Variants in CSMD1 observed in about 807,000 individuals in gnomAD.
The protein encoded by CSMD1 is CUB and sushi domain-containing protein 1.
Under a neutral mutation model 417.5 loss-of-function variants are expected in CSMD1, and 213 were observed. That is an observed-to-expected ratio of 0.51 (90% CI 0.46 to 0.57). The LOEUF (loss-of-function observed/expected upper bound fraction) is 0.57, where lower values mean the gene tolerates loss of function less well. CSMD1 is among the 20% of genes least tolerant of loss of function. CSMD1 has a pLI of 0.00. For synonymous variants in CSMD1, 2,862 were observed against 1,736.8 expected (o/e 1.65, Z -16.11); for missense variants, 6,923 against 4,529.7 (o/e 1.53, Z -15.17).
chr8:3,560,171 G>C (rs974845954), intron 10 of CSMD1, among the ~76,000 whole-genome samples: 7 of 152,116 alleles, frequency 4.6e-5, no homozygotes, highest in African/African-American at 7.2e-5. Context: ...GTAAGGCACA[G>C]GAAGAGCCCT....
chr8:3,784,249 G>A (rs905816570), intron 5 of CSMD1, among the ~76,000 whole-genome samples: 11 of 152,130 alleles, frequency 7.2e-5, no homozygotes, highest in African/African-American at 1.7e-4. Flanking sequence ...GTAAATAAAT[G>A]TCCAACACAG....
intron 1 of CSMD1, among the ~76,000 whole-genome samples, chr8:4,674,650 A>G (rs539160437): frequency 2.0e-5 from 3 of 152,348 alleles, no homozygotes; most frequent in African/African-American, 7.2e-5. Flanking sequence ...TAAAACAAAC[A>G]AAACAGAACA....
intron 54 of CSMD1, among the ~76,000 whole-genome samples, chr8:2,987,262 G>C (rs1482269400): frequency 6.6e-6 from 1 of 151,638 alleles, no homozygotes; most frequent in Non-Finnish European, 1.5e-5. Flanking sequence ...GATAATTCTT[G>C]ACATGAAAAA....
intron 3 of CSMD1, among the ~76,000 whole-genome samples, chr8:4,371,373 G>A (rs1213775952): frequency 2.6e-5 from 4 of 152,032 alleles, no homozygotes. Flanking sequence ...GAAACTTCCT[G>A]TTATATTTTG....
chr8:3,810,671 T>A (rs1293262073), intron 5 of CSMD1, among the ~76,000 whole-genome samples: 5 of 152,188 alleles, frequency 3.3e-5, no homozygotes, highest in Admixed American at 3.3e-4. Context: ...AAGTAGCTTT[T>A]CTGGGATAGA....
At chr8:3,490,418 A>G (rs1003377753) in intron 11 of CSMD1, among the ~76,000 whole-genome samples, 2 of 152,194 alleles carry the variant, frequency 1.3e-5, no homozygotes, top group African/African-American at 4.8e-5. Flanking sequence ...GGATTTCATA[A>G]GGCATTACCT....
chr8:4,414,301 C>A (rs1585038246), intron 3 of CSMD1, among the ~76,000 whole-genome samples: 1 of 152,144 alleles, frequency 6.6e-6, no homozygotes, highest in East Asian at 1.9e-4. Context: ...GGAAGCCCCG[C>A]CCATCCTAAA....
intron 3 of CSMD1, among the ~76,000 whole-genome samples, chr8:4,228,597 T>TTTTG (rs1373821843): frequency 6.6e-6 from 1 of 151,682 alleles, no homozygotes; most frequent in Non-Finnish European, 1.5e-5. Flanking sequence ...ATCTTTTTTT[T>TTTTG]TTTTTTTTCC....
At chr8:4,301,811 T>C (rs529866951) in intron 3 of CSMD1, among the ~76,000 whole-genome samples, 3 of 152,350 alleles carry the variant, frequency 2.0e-5, no homozygotes, top group Admixed American at 6.5e-5. Context: ...GGGGGGTTCA[T>C]TGTCCCCATA....
intron 2 of CSMD1, among the ~76,000 whole-genome samples, chr8:4,592,542 A>G (rs1800044407): frequency 1.3e-5 from 2 of 151,802 alleles, no homozygotes; most frequent in East Asian, 3.9e-4. Context: ...GCCGGCCACC[A>G]CGCCCAGCTA....
intron 1 of CSMD1, among the ~76,000 whole-genome samples, chr8:4,963,423 C>G (rs987050697): frequency 2.6e-5 from 4 of 152,142 alleles, no homozygotes; most frequent in African/African-American, 9.7e-5. Context: ...TGGTCTCGAA[C>G]TCCTGACCTC....
intron 10 of CSMD1, among the ~76,000 whole-genome samples, chr8:3,533,983 C>A (rs949473771): frequency 1.3e-5 from 2 of 152,038 alleles, no homozygotes; most frequent in Non-Finnish European, 2.9e-5. Flanking sequence ...TTTGTTTTGG[C>A]AATATTTATA....
intron 6 of CSMD1, among the ~76,000 whole-genome samples, chr8:3,717,073 G>C (rs983587276): frequency 6.6e-6 from 1 of 152,146 alleles, no homozygotes; most frequent in Admixed American, 6.5e-5. Context: ...TCTGATACTA[G>C]AACCTGCTGG....
At chr8:4,190,293 G>C (rs1798943679) in intron 3 of CSMD1, among the ~76,000 whole-genome samples, 1 of 149,790 alleles carries the variant, frequency 6.7e-6, no homozygotes, top group Non-Finnish European at 1.5e-5. Flanking sequence ...CTCTGGGTCT[G>C]GTCTAGTTTT....
intron 1 of CSMD1, among the ~76,000 whole-genome samples, chr8:4,765,321 G>A (rs917951668): frequency 6.6e-6 from 1 of 152,150 alleles, no homozygotes; most frequent in Non-Finnish European, 1.5e-5. Flanking sequence ...TCCCTTCTGT[G>A]ACTGGGATCA....
intron 5 of CSMD1, among the ~76,000 whole-genome samples, chr8:3,937,740 G>A (rs559395245): frequency 2.0e-5 from 3 of 152,188 alleles, no homozygotes; most frequent in Non-Finnish European, 4.4e-5. Context: ...CACCAGGTAC[G>A]ATATTACTGA....
intron 2 of CSMD1, among the ~76,000 whole-genome samples, chr8:4,530,139 T>A (rs968738211): frequency 6.6e-6 from 1 of 151,650 alleles, no homozygotes; most frequent in African/African-American, 2.4e-5. Context: ...GGTCTCGATC[T>A]CCTGACCTTG....
rs7814216 is a variant in CSMD1 at position 3,872,689 on chromosome 8, C to T, written c.819-118647G>A. 9.0e-3 allele frequency among the ~76,000 whole-genome samples: 1,373 copies of T among 152,118 alleles called. 13 individuals are homozygous for T. The highest frequency in any genetic ancestry group is 0.015 in the Non-Finnish European group (1,027 of 67,992). On this transcript the variant is annotated intron_variant, in intron 5 of 69. Coordinates refer to ENST00000635120, the MANE Select transcript of CSMD1 (RefSeq NM_033225.6). The stretch of plus-strand genomic sequence containing the variant: ...TGAGCCCTTCATTCATGAAGAGCCT[C>T]GTGCTACTTAGAAGGCCTTGTTCTC...
At chr8:4,826,611 G>A (rs1032086851) in intron 1 of CSMD1, among the ~76,000 whole-genome samples, 3 of 152,128 alleles carry the variant, frequency 2.0e-5, no homozygotes, top group African/African-American at 7.2e-5. Flanking sequence ...AGAGCAAAAA[G>A]GAGATAACTT....
Sources: allele counts gnomAD v4.1 joint callset (sites outside exome capture counted in the v4.1 genomes callset), GRCh38; gene constraint gnomAD v4.1.1; transcripts MANE v1.5; gene names NCBI Gene and HGNC (gene_info 2026-07-23, HGNC 2026-07-21).